Variants in RANBP2 observed in about 807,000 individuals in gnomAD.
RANBP2 encodes RAN binding protein 2.
Under a neutral mutation model 303.6 loss-of-function variants are expected in RANBP2, and 57 were observed. The ratio of observed to expected loss-of-function variants is 0.19; its 90% confidence interval spans 0.15 to 0.23. The LOEUF is 0.23. Among genes scored for constraint, RANBP2 ranks in the 10% least tolerant of loss-of-function variants. The pLI is 1.00. For missense variants in RANBP2, 3,138 were observed against 3,780.8 expected, an observed-to-expected ratio of 0.83 and a Z score of 4.46; for synonymous variants, 1,167 against 1,301.5, an observed-to-expected ratio of 0.90 and a Z score of 2.23.
At chr2:109,659,856 C>T in the RANBP2 span, among the ~76,000 whole-genome samples, 1 of 152,110 alleles carries the variant, frequency 6.6e-6, no homozygotes. Flanking sequence ...GCAGCCAGGC[C>T]CCGGCCAGGT....
chr2:109,450,466 C>T, the RANBP2 span, among the ~76,000 whole-genome samples: 141 of 152,306 alleles, frequency 9.3e-4, no homozygotes, highest in Non-Finnish European at 4.7e-4. Flanking sequence ...TGCTGTCCAG[C>T]AGAAACATAA....
chr2:109,638,746 T>TCAACGG, the RANBP2 span, among the ~76,000 whole-genome samples: 1 of 152,184 alleles, frequency 6.6e-6, no homozygotes, highest in East Asian at 1.9e-4. Context: ...TTAGATTCTT[T>TCAACGG]TAACGGCTCA....
the RANBP2 span, among the ~76,000 whole-genome samples, chr2:109,676,892 C>T: frequency 9.9e-5 from 15 of 152,152 alleles, no homozygotes; most frequent in Admixed American, 2.0e-4. Flanking sequence ...TGTCTAGATA[C>T]GGCACCACTT....
chr2:108,946,137 A>C, the RANBP2 span, among the ~76,000 whole-genome samples: 1 of 152,132 alleles, frequency 6.6e-6, no homozygotes, highest in Non-Finnish European at 1.5e-5. Context: ...AGTCGTCCAC[A>C]CCCTGTGAGA....
At chr2:108,879,702 A>T in the RANBP2 span, among the ~76,000 whole-genome samples, 1 of 152,182 alleles carries the variant, frequency 6.6e-6, no homozygotes. Context: ...TTATAGATCA[A>T]AAAAGAAATG....
chr2:109,034,044 G>A, the RANBP2 span, among the ~76,000 whole-genome samples: 1 of 150,800 alleles, frequency 6.6e-6, no homozygotes, highest in Non-Finnish European at 1.5e-5. Context: ...GGTGGATCAC[G>A]AGGATCACAA....
chr2:109,169,024 T>C, the RANBP2 span, among the ~76,000 whole-genome samples: 3 of 152,142 alleles, frequency 2.0e-5, no homozygotes, highest in Non-Finnish European at 4.4e-5. Context: ...CTAACAGGAC[T>C]CTCCCTTGGT....
the RANBP2 span, among the ~76,000 whole-genome samples, chr2:109,181,291 T>C: frequency 6.6e-6 from 1 of 152,264 alleles, no homozygotes; most frequent in Admixed American, 6.5e-5. Flanking sequence ...TGATATCTTA[T>C]GCTACCATGG....
the RANBP2 span, among the ~76,000 whole-genome samples, chr2:109,430,902 A>G: frequency 6.6e-6 from 1 of 152,204 alleles, no homozygotes; most frequent in African/African-American, 2.4e-5. Flanking sequence ...TGTCCCTAGG[A>G]GGAGGGCATG....
the RANBP2 span, among the ~76,000 whole-genome samples, chr2:109,528,582 G>GA: frequency 6.6e-6 from 1 of 152,108 alleles, no homozygotes; most frequent in African/African-American, 2.4e-5. Context: ...GGAGGTGGGA[G>GA]AAGGGAAGGA....
the RANBP2 span, among the ~76,000 whole-genome samples, chr2:108,853,386 CAA>C: frequency 7.9e-5 from 12 of 152,126 alleles, no homozygotes; most frequent in African/African-American, 2.9e-4. Context: ...ATGTCATTAA[CAA>C]TAAGTATGGA....
the RANBP2 span, among the ~76,000 whole-genome samples, chr2:109,664,249 T>G: frequency 6.6e-6 from 1 of 152,196 alleles, no homozygotes; most frequent in Admixed American, 6.5e-5. Flanking sequence ...AATATGAATT[T>G]AAACTCACCT....
the RANBP2 span, among the ~76,000 whole-genome samples, chr2:109,004,003 G>A: frequency 3.9e-5 from 6 of 152,318 alleles, no homozygotes; most frequent in Admixed American, 3.3e-4. Flanking sequence ...AAAGAGGGAT[G>A]ACAGGCATTG....
the RANBP2 span, among the ~76,000 whole-genome samples, chr2:109,348,184 C>G: frequency 6.6e-6 from 1 of 152,066 alleles, no homozygotes; most frequent in African/African-American, 2.4e-5. Flanking sequence ...AGCTCCAGCC[C>G]AGAGCTACAT....
At chr2:109,483,106 C>A in the RANBP2 span, among the ~76,000 whole-genome samples, 3 of 152,204 alleles carry the variant, frequency 2.0e-5, no homozygotes, top group Non-Finnish European at 4.4e-5. Flanking sequence ...CCCTCCTGTG[C>A]TCTTCCAGTA....
In RANBP2 at chr2:108,765,926, G is replaced by A; in HGVS notation, c.5387G>A (p.Ser1796Asn). 1 of 1,614,160 alleles carries A rather than the reference G, an allele frequency of 6.2e-7. No individual in the cohort carries two copies. The highest frequency in any genetic ancestry group is 2.2e-5 in the East Asian group (1 of 44,884). Reference protein sequence around the residue: ...DCSVCCVQNESSSLKCVACDA... With the variant: ...DCSVCCVQNENSSLKCVACDA... ...AGTGTTTGCTGTGTACAAAATGAGA[G>A]TTCTTCCTTAAAATGTGTGGCTTGT... The change falls in exon 20 of 29, where the codon AGT (serine) becomes AAT (asparagine). Residue 1796 changes from serine (S) to asparagine (N), a missense_variant. Around this residue, in one of 20 missense-constraint regions of RANBP2, gnomAD observed 348 missense variants for 360.4 expected, o/e 0.97. Transcript: ENST00000283195.
At chr2:109,414,335 A>G in the RANBP2 span, among the ~76,000 whole-genome samples, 1 of 152,120 alleles carries the variant, frequency 6.6e-6, no homozygotes, top group East Asian at 1.9e-4. Context: ...CCACAACCCC[A>G]TCTTCTCATG....
At chr2:108,735,056 G>T (rs527813717) in intron 4 of RANBP2, among the ~76,000 whole-genome samples, 3,187 of 151,834 alleles carry the variant, frequency 0.021, 107 homozygotes, top group African/African-American at 0.073. Flanking sequence ...GGTAGTGGGG[G>T]TTATCCTGAG....
chr2:108,781,258 T>G lies in RANBP2; in HGVS notation c.8600-11T>G. Reference sequence around the variant, plus strand: ...GATACTAGTGTTTAAATATCCTGATTTATTCATCAGATAAAAATTTCCAAT... The same window carrying G: ...GATACTAGTGTTTAAATATCCTGATGTATTCATCAGATAAAAATTTCCAAT... On this transcript the variant is annotated splice_polypyrimidine_tract_variant and intron_variant, in intron 25 of 28. Coordinates refer to ENST00000283195, the MANE Select transcript of RANBP2 (RefSeq NM_006267.5). 6.2e-7 allele frequency: 1 copy of G among 1,614,000 alleles called. No homozygotes were observed. Among genetic ancestry groups the G allele is most frequent in the Non-Finnish European group, 8.5e-7 (1 of 1,179,886 alleles).
Sources: allele counts gnomAD v4.1 joint callset (sites outside exome capture counted in the v4.1 genomes callset), GRCh38; gene constraint gnomAD v4.1.1; regional missense constraint gnomAD v4.1.1; transcripts MANE v1.5; gene names NCBI Gene and HGNC (gene_info 2026-07-23, HGNC 2026-07-21).